RSU1: variants seen among roughly 807,000 people sequenced by gnomAD.
RSU1 encodes the protein rsu-1.
In RSU1, 26 loss-of-function variants were observed where a neutral mutation model predicts 31.1. The observed-to-expected ratio is 0.84, with a 90% CI of 0.61 to 1.16. The LOEUF (loss-of-function observed/expected upper bound fraction) is 1.16, where lower values mean the gene tolerates loss of function less well. RSU1 is among the 50% of genes most tolerant of loss of function. The probability of loss-of-function intolerance (pLI) is 0.00; values close to 1 mark genes in which losing one functional copy is unlikely to be tolerated. For synonymous variants in RSU1, 164 were observed against 136.3 expected (o/e 1.20, Z -1.41); for missense variants, 320 against 339.1 (o/e 0.94, Z 0.44).
intron 8 of RSU1, among the ~76,000 whole-genome samples, chr10:16,619,907 A>C (rs529760909): frequency 5.3e-5 from 8 of 152,318 alleles, no homozygotes; most frequent in African/African-American, 1.9e-4. Context: ...ATTTCTTTCA[A>C]GTTTTCATCC....
intron 8 of RSU1, among the ~76,000 whole-genome samples, chr10:16,656,724 A>G (rs1380627583): frequency 1.3e-5 from 2 of 152,376 alleles, no homozygotes; most frequent in South Asian, 2.1e-4. Flanking sequence ...CGGCTTATAT[A>G]TATTAATCCT....
At chr10:16,732,246 T>C (rs1458116087) in intron 7 of RSU1, among the ~76,000 whole-genome samples, 2 of 152,236 alleles carry the variant, frequency 1.3e-5, no homozygotes, top group South Asian at 2.1e-4. Context: ...TCTCTTACCA[T>C]TGTTGATTCT....
chr10:16,658,681 G>A (rs1253922177), intron 8 of RSU1, among the ~76,000 whole-genome samples: 1 of 152,136 alleles, frequency 6.6e-6, no homozygotes, highest in Non-Finnish European at 1.5e-5. Context: ...CTGAGATCGC[G>A]CCACTGACCT....
intron 7 of RSU1, among the ~76,000 whole-genome samples, chr10:16,713,118 CTG>C (rs1327255868): frequency 6.6e-6 from 1 of 152,152 alleles, no homozygotes; most frequent in Non-Finnish European, 1.5e-5. Context: ...TGATGTGACA[CTG>C]TTTTCTTGTG....
chr10:16,607,965 G>C (rs908393581), intron 8 of RSU1, among the ~76,000 whole-genome samples: 1 of 152,046 alleles, frequency 6.6e-6, no homozygotes, highest in Non-Finnish European at 1.5e-5. Context: ...CAAGTAGCTG[G>C]GATTACAGGC....
At chr10:16,618,626 C>T (rs1834019581) in intron 8 of RSU1, among the ~76,000 whole-genome samples, 1 of 152,182 alleles carries the variant, frequency 6.6e-6, no homozygotes, top group Non-Finnish European at 1.5e-5. Context: ...CACATACACA[C>T]CATGGAATAC....
intron 8 of RSU1, among the ~76,000 whole-genome samples, chr10:16,636,798 T>G (rs1442113417): frequency 1.3e-5 from 2 of 152,156 alleles, no homozygotes; most frequent in Non-Finnish European, 2.9e-5. Context: ...GCACATCCTT[T>G]AGGTCTCTGA....
At chr10:16,683,332 G>T (rs548402874) in intron 8 of RSU1, among the ~76,000 whole-genome samples, 1 of 152,036 alleles carries the variant, frequency 6.6e-6, no homozygotes, top group East Asian at 1.9e-4. Flanking sequence ...TGCCGTTTCT[G>T]GGCATTTGAG....
intron 8 of RSU1, among the ~76,000 whole-genome samples, chr10:16,687,608 C>G (rs7076105): frequency 0.34 from 52,022 of 152,020 alleles, 9,106 homozygotes; most frequent in Middle Eastern, 0.41. Context: ...TCCTTACATC[C>G]TCTGTATTCC....
intron 7 of RSU1, among the ~76,000 whole-genome samples, chr10:16,739,903 G>A (rs1265662498): frequency 6.6e-6 from 1 of 152,068 alleles, no homozygotes; most frequent in Non-Finnish European, 1.5e-5. Context: ...GAGCCACCGT[G>A]CCCGGCCAAA....
chr10:16,734,495 G>T (rs1324368062), intron 7 of RSU1, among the ~76,000 whole-genome samples: 1 of 152,184 alleles, frequency 6.6e-6, no homozygotes, highest in East Asian at 1.9e-4. Flanking sequence ...CACATGCGTG[G>T]ATATGGGGGC....
chr10:16,728,114 T>C (rs766211062), intron 7 of RSU1, among the ~76,000 whole-genome samples: 1 of 152,158 alleles, frequency 6.6e-6, no homozygotes, highest in African/African-American at 2.4e-5. Flanking sequence ...ATTTGGGTGG[T>C]TGACATTTTA....
intron 8 of RSU1, among the ~76,000 whole-genome samples, chr10:16,632,970 A>T (rs1216664989): frequency 2.6e-5 from 4 of 152,254 alleles, no homozygotes; most frequent in Non-Finnish European, 5.9e-5. Context: ...CCCTGAAGAC[A>T]AATATAAATG....
chr10:16,668,894 G>A (rs980649227), intron 8 of RSU1, among the ~76,000 whole-genome samples: 1 of 152,192 alleles, frequency 6.6e-6, no homozygotes, highest in African/African-American at 2.4e-5. Context: ...CAGAAAGCCT[G>A]TTGTGTACAA....
intron 2 of RSU1, among the ~76,000 whole-genome samples, chr10:16,785,356 AGT>A (rs1197426633): frequency 6.6e-6 from 1 of 151,078 alleles, no homozygotes; most frequent in Non-Finnish European, 1.5e-5. Flanking sequence ...ACCTTGTGGT[AGT>A]GTGAGTTAAT....
chr10:16,674,513 A>C (rs1835186186), intron 8 of RSU1, among the ~76,000 whole-genome samples: 1 of 151,710 alleles, frequency 6.6e-6, no homozygotes, highest in South Asian at 2.1e-4. Context: ...ACTAGGTGCC[A>C]GGCAATGTCT....
At chr10:16,633,355 G>T (rs1455765119) in intron 8 of RSU1, among the ~76,000 whole-genome samples, 1 of 152,114 alleles carries the variant, frequency 6.6e-6, no homozygotes. Flanking sequence ...GCACAGCTTA[G>T]GGTATGATGG....
rs1015701962 is a variant in RSU1, at chr10:16,812,514, C to G, written c.109+4459G>C. Among the ~76,000 whole-genome samples the G allele has an allele frequency of 1.5e-4, 23 of 151,852 alleles. 1 individual carries two copies. The highest frequency in any genetic ancestry group is 1.4e-3 in the Admixed American group (21 of 15,258). ...TTATATCTAAAATTACAGGTCCTCC[C>G]CAGCTCTTTAATCTATCCCCCAAAG... is the stretch of plus-strand genomic sequence containing the variant. On this transcript the variant is annotated intron_variant, in intron 2 of 8. Coordinates refer to ENST00000345264, the MANE Select transcript of RSU1 (RefSeq NM_012425.4).
At position 16,660,510 on chromosome 10, in the gene RSU1, T is replaced by C. The variant is rs1242767389; in HGVS notation, c.731+34513A>G. Among the ~76,000 whole-genome samples, 3 of 152,178 alleles carry C rather than the reference T, an allele frequency of 2.0e-5. No individual in the cohort carries two copies. The East Asian group carries it at 5.8e-4, about 29-fold the overall frequency. The stretch of plus-strand genomic sequence containing the variant: ...TTTCAGTATTTTAATATAGTGGATC[T>C]TCAATCAACATATGTTAAATCTTTT... On this transcript the variant is annotated intron_variant, in intron 8 of 8. Coordinates refer to ENST00000345264, the MANE Select transcript of RSU1 (RefSeq NM_012425.4).
Sources: gnomAD v4.1 joint callset for allele counts (sites outside exome capture counted in the v4.1 genomes callset) on GRCh38, gnomAD v4.1.1 for gene constraint, MANE v1.5 for transcripts, NCBI Gene and HGNC (gene_info 2026-07-23, HGNC 2026-07-21) for gene names.